The following PCDHA11 variants were observed in gnomAD, a reference collection of about 807,000 sequenced individuals.
PCDHA11 encodes the protein protocadherin alpha 11, also known as protocadherin alpha-11.
In PCDHA11, 61 loss-of-function variants were observed where a neutral mutation model predicts 70.3. The ratio of observed to expected loss-of-function variants is 0.87; its 90% confidence interval spans 0.71 to 1.07. The LOEUF (loss-of-function observed/expected upper bound fraction) is 1.07, where lower values mean the gene tolerates loss of function less well. Among genes scored for constraint, PCDHA11 ranks in the 50% least tolerant of loss-of-function variants. The pLI is 0.00. For missense variants in PCDHA11, 1,324 were observed against 1,237.5 expected, an observed-to-expected ratio of 1.07 and a Z score of -1.05; for synonymous variants, 633 against 555.1, an observed-to-expected ratio of 1.14 and a Z score of -1.97.
At chr5:141,005,627 G>A (rs1051972778) in intron 3 of PCDHA11, among the ~76,000 whole-genome samples, 1 of 148,378 alleles carries the variant, frequency 6.7e-6, no homozygotes, top group Non-Finnish European at 1.5e-5. Flanking sequence ...GCGTGAACCC[G>A]GGAGGCGGAG....
At chr5:140,967,506 T>G in intron 1 of PCDHA11, 7 of 1,612,946 alleles carry the variant, frequency 4.3e-6, no homozygotes, top group Non-Finnish European at 5.9e-6. Context: ...TCTGTGCGTG[T>G]CCTGGACACT....
chr5:140,999,975 A>G (rs952038024), intron 3 of PCDHA11, among the ~76,000 whole-genome samples: 3 of 152,078 alleles, frequency 2.0e-5, no homozygotes, highest in African/African-American at 7.2e-5. Context: ...TAGCAGCTCT[A>G]GCGGCCTCTG....
intron 1 of PCDHA11, among the ~76,000 whole-genome samples, chr5:140,953,756 G>C (rs2094932328): frequency 6.6e-6 from 1 of 152,208 alleles, no homozygotes; most frequent in South Asian, 2.1e-4. Context: ...ATTTATCCAA[G>C]AATTAAATTT....
Position 141,009,653 on chromosome 5 carries a change from C to T in PCDHA11, c.2566C>T (p.Pro856Ser). ...ACCAGAGGCAGGAGAAGTGTCCCCTCCAGTCGGTGCGGGTGTCAACAGCAA... is the reference window on the plus strand; with the variant it reads ...ACCAGAGGCAGGAGAAGTGTCCCCTTCAGTCGGTGCGGGTGTCAACAGCAA... The part of the protein sequence containing the change: ...PEPEAGEVSP[P>S]VGAGVNSNSW... The change falls in exon 4 of 4, where the codon CCA becomes TCA. Residue 856 changes from proline (P) to serine (S), a missense_variant. Physicochemically the swap from Pro to Ser is moderately conservative, Grantham distance 74. Transcript: ENST00000398640. 1 of 1,613,998 alleles carries T rather than the reference C, an allele frequency of 6.2e-7. No individual in the cohort carries two copies. The highest frequency in any genetic ancestry group is 8.5e-7 in the Non-Finnish European group (1 of 1,179,950).
intron 3 of PCDHA11, among the ~76,000 whole-genome samples, chr5:141,000,385 C>CAA (rs1399640915): frequency 2.3e-4 from 15 of 64,992 alleles, no homozygotes; most frequent in African/African-American, 9.7e-4. Context: ...CTCTCTCTCT[C>CAA]TCTCTCTCTC....
rs978053855 is a variant in PCDHA11 at position 141,009,492 on chromosome 5, A to T, written c.2540-135A>T. 4 of 1,478,558 alleles carry T rather than the reference A, an allele frequency of 2.7e-6. No individual in the cohort carries two copies. In the African/African-American group the frequency reaches 5.6e-5, roughly 21 times the overall value. The allele number at this position is 1,478,558 out of a possible 1,614,324, so 91.6% of individuals were successfully genotyped here. ...ATAAGTAAACACTTGCCTTGCCCTCAGACTTGAACAAACAACTCGTGATTT... is the reference window on the plus strand; with the variant it reads ...ATAAGTAAACACTTGCCTTGCCCTCTGACTTGAACAAACAACTCGTGATTT... On this transcript the variant is annotated intron_variant, in intron 3 of 3. Coordinates refer to ENST00000398640, the MANE Select transcript of PCDHA11 (RefSeq NM_018902.5).
chr5:140,890,220 C>A (rs955015481), intron 1 of PCDHA11, among the ~76,000 whole-genome samples: 18 of 152,044 alleles, frequency 1.2e-4, no homozygotes, highest in Non-Finnish European at 2.6e-4. Flanking sequence ...TCCCAGAGAC[C>A]TAGTTGTTAA....
chr5:140,967,127 T>C (rs155808), intron 1 of PCDHA11: 558,768 of 1,612,332 alleles, frequency 0.35, 98,550 homozygotes, highest in East Asian at 0.51. Flanking sequence ...CCTGCTCAGC[T>C]TGGAAGTGCT....
chr5:140,965,011 A>T (rs1418726287), intron 1 of PCDHA11, among the ~76,000 whole-genome samples: 1 of 152,186 alleles, frequency 6.6e-6, no homozygotes, highest in Non-Finnish European at 1.5e-5. Context: ...TGTCAGGATC[A>T]CAACCTTGGC....
intron 1 of PCDHA11, among the ~76,000 whole-genome samples, chr5:140,953,278 T>C (rs1227774652): frequency 6.6e-5 from 10 of 152,146 alleles, no homozygotes; most frequent in African/African-American, 2.4e-4. Flanking sequence ...CTTTGCTCTT[T>C]ATATGTGATT....
At chr5:140,978,856 A>G (rs2096826512) in intron 1 of PCDHA11, 93 bp from the exon 2 acceptor site, 1 of 1,589,052 alleles carries the variant, frequency 6.3e-7, no homozygotes, top group Non-Finnish European at 8.6e-7. Flanking sequence ...AGATGCCTGG[A>G]AATATTTAAG....
rs1554244455 is a variant in PCDHA11 at position 140,982,542 on chromosome 5, A to G, written c.2518A>G (p.Thr840Ala). The G allele has an allele frequency of 1.9e-6, 3 of 1,614,210 alleles. No homozygotes were observed. The highest frequency in any genetic ancestry group is 2.2e-5 in the East Asian group (1 of 44,888). Residue 840 changes from threonine (T) to alanine (A), a missense_variant, in exon 3 of 4, where the codon ACA becomes GCA. Transcript: ENST00000398640. ...GPGGPDQQWP[T>A]VSSATPEPEA... ...AGGAGGGCCTGATCAGCAGTGGCCA[A>G]CAGTATCCAGTGCAACACCAGGTAA...
At chr5:140,958,888 A>G (rs1563299951) in intron 1 of PCDHA11, among the ~76,000 whole-genome samples, 3 of 152,040 alleles carry the variant, frequency 2.0e-5, no homozygotes, top group African/African-American at 7.2e-5. Flanking sequence ...ACCAGTAGCT[A>G]TATAATAGAT....
At chr5:140,987,451 T>G (rs1481665271) in intron 3 of PCDHA11, among the ~76,000 whole-genome samples, 2 of 152,108 alleles carry the variant, frequency 1.3e-5, no homozygotes, top group African/African-American at 4.8e-5. Flanking sequence ...GCCCGAGAGA[T>G]AATTGTTAAG....
At chr5:140,882,607 T>C (rs1313419888) in intron 1 of PCDHA11, 35 of 1,614,242 alleles carry the variant, frequency 2.2e-5, no homozygotes, top group Non-Finnish European at 3.0e-5. Flanking sequence ...TGGACAGGCC[T>C]CTGCAGGTTT....
chr5:140,975,763 C>A (rs2096681691), intron 1 of PCDHA11, among the ~76,000 whole-genome samples: 1 of 152,140 alleles, frequency 6.6e-6, no homozygotes, highest in Non-Finnish European at 1.5e-5. Context: ...TGTCATAAAT[C>A]ACAGATAATA....
Position 140,946,631 on chromosome 5 carries a change from T to TATATATATATATATATATATATACAC in PCDHA11, c.2392-32317_2392-32316insTATATATATATATATATATATACACA, listed in dbSNP as rs57893927. Among the ~76,000 whole-genome samples, 213 of 131,752 alleles carry TATATATATATATATATATATATACAC rather than the reference T, an allele frequency of 1.6e-3. 5 individuals carry two copies. The highest frequency in any genetic ancestry group is 6.6e-3 in the African/African-American group (188 of 28,632). The allele number at this position is 131,752 out of a possible 152,430, so 86.4% of individuals were successfully genotyped here. A position where few individuals can be genotyped will look rare whatever the true frequency, so the allele number is the denominator to read the frequency against. Reference sequence around the variant, plus strand: ...TGTGAAATATATATATATATATATATACAATGGAATACTCATCAGCCATTA... The same window carrying TATATATATATATATATATATATACAC: ...TGTGAAATATATATATATATATATATATATATATATATATATATATATACACACAATGGAATACTCATCAGCCATTA... On this transcript the variant is annotated intron_variant, in intron 1 of 3. Transcript: ENST00000398640.
intron 1 of PCDHA11, among the ~76,000 whole-genome samples, chr5:140,895,670 G>C (rs551602030): frequency 3.9e-5 from 6 of 152,250 alleles, no homozygotes; most frequent in Non-Finnish European, 8.8e-5. Context: ...AGAACATGTA[G>C]TATTTGGTTT....
chr5:141,003,057 TCCA>T (rs2098109750), intron 3 of PCDHA11, among the ~76,000 whole-genome samples: 1 of 152,194 alleles, frequency 6.6e-6, no homozygotes, highest in African/African-American at 2.4e-5. Context: ...ACAGAACAGT[TCCA>T]AATGCAGATG....
Sources: gnomAD v4.1 joint callset for allele counts (sites outside exome capture counted in the v4.1 genomes callset) on GRCh38, gnomAD v4.1.1 for gene constraint, MANE v1.5 for transcripts, NCBI Gene and HGNC (gene_info 2026-07-23, HGNC 2026-07-21) for gene names.